Variants in BDNF observed in about 807,000 individuals in gnomAD.
The protein encoded by BDNF is neurotrophic factor BDNF precursor form.
In BDNF, 1 loss-of-function variant was observed where a neutral mutation model predicts 19.5. The ratio of observed to expected loss-of-function variants is 0.05; its 90% CI spans 0.02 to 0.24. The LOEUF (loss-of-function observed/expected upper bound fraction) is 0.24. Ranked by LOEUF, BDNF falls within the 10% of genes least tolerant of loss-of-function variation. BDNF has a pLI of 1.00. For missense variants in BDNF, 195 were observed against 317.6 expected, an observed-to-expected ratio of 0.61 and a Z score of 2.93; for synonymous variants, 100 against 121.6, an observed-to-expected ratio of 0.82 and a Z score of 1.17.
At chr11:27,719,344 G>T (rs1860657894) in intron 1 of BDNF, among the ~76,000 whole-genome samples, 1 of 152,210 alleles carries the variant, frequency 6.6e-6, no homozygotes, top group Non-Finnish European at 1.5e-5. Flanking sequence ...CCAGCTGATT[G>T]GTGGCTCTGT....
At position 27,658,366 on chromosome 11, in the gene BDNF, T is replaced by G. The variant is rs767638736; in HGVS notation, c.199A>C (p.Ile67Leu). 3 of 1,614,176 alleles carry G rather than the reference T, an allele frequency of 1.9e-6. No individual in the cohort carries two copies. In the South Asian group the frequency reaches 3.3e-5, roughly 18 times the overall value. Reference sequence around the variant, plus strand: ...TGGTCCTCATCCAACAGCTCTTCTATCACGTGTTCGAAAGTGTCAGCCAAT... The same window carrying G: ...TGGTCCTCATCCAACAGCTCTTCTAGCACGTGTTCGAAAGTGTCAGCCAAT... ...TSLADTFEHV[I>L]EELLDEDQKV... The change falls in exon 2 of 2, where the codon ATA (isoleucine) becomes CTA (leucine). Residue 67 changes from isoleucine (I) to leucine (L), a missense_variant. Transcript: ENST00000356660. This position sits in a 1 kb window ranked among gnomAD's most constrained non-coding sequence, Gnocchi z 5.7.
At chr11:27,701,095 C>T (rs1201320781), upstream of BDNF, 1 of 1,314,514 alleles carries the variant, frequency 7.6e-7, no homozygotes, top group Non-Finnish European at 1.0e-6. Context: ...AGTTCGCGCA[C>T]TGACCTCTCT....
intron 1 of BDNF, among the ~76,000 whole-genome samples, chr11:27,694,055 G>T (rs1858655429): frequency 6.6e-6 from 1 of 151,682 alleles, no homozygotes; most frequent in South Asian, 2.1e-4. Context: ...GACTTTCTTT[G>T]GTTATCATGC....
chr11:27,685,095 C>T (rs1857312584), intron 1 of BDNF, among the ~76,000 whole-genome samples: 1 of 152,072 alleles, frequency 6.6e-6, no homozygotes. Flanking sequence ...TTGGTCTATT[C>T]AGGAATTTGA....
At chr11:27,709,130 G>T (rs1860227687) in intron 1 of BDNF, among the ~76,000 whole-genome samples, 1 of 152,134 alleles carries the variant, frequency 6.6e-6, no homozygotes, top group South Asian at 2.1e-4. Flanking sequence ...CGCCTGGCTA[G>T]AATTCCTCTT....
At chr11:27,699,234 C>T in intron 1 of BDNF, 1 of 1,157,808 alleles carries the variant, frequency 8.6e-7, no homozygotes, top group Admixed American at 1.7e-5. Flanking sequence ...ACCCCCAACA[C>T]ACAAACACTG....
At chr11:27,713,193 T>A (rs547256101) in intron 1 of BDNF, among the ~76,000 whole-genome samples, 34 of 152,266 alleles carry the variant, frequency 2.2e-4, no homozygotes, top group Admixed American at 8.5e-4. Flanking sequence ...GCCACCACAC[T>A]GGGCATCAGA....
At chr11:27,680,977 T>TC (rs2133957202) in intron 1 of BDNF, among the ~76,000 whole-genome samples, 1 of 152,254 alleles carries the variant, frequency 6.6e-6, no homozygotes, top group East Asian at 1.9e-4. Flanking sequence ...GGCTCTACAG[T>TC]CCAGAAGATG....
intron 1 of BDNF, among the ~76,000 whole-genome samples, chr11:27,672,922 G>T (rs992312146): frequency 2.6e-5 from 4 of 152,078 alleles, no homozygotes; most frequent in Non-Finnish European, 5.9e-5. Flanking sequence ...GACTGCAAAG[G>T]TTGTTTGTTT....
chr11:27,706,298 G>A (rs1218037329), intron 1 of BDNF, among the ~76,000 whole-genome samples: 5 of 152,238 alleles, frequency 3.3e-5, no homozygotes, highest in African/African-American at 1.2e-4. Context: ...GGTCCAGAAG[G>A]GATCTTAAGA....
At chr11:27,706,560 A>T (rs1457156626) in intron 1 of BDNF, among the ~76,000 whole-genome samples, 3 of 152,220 alleles carry the variant, frequency 2.0e-5, no homozygotes, top group Non-Finnish European at 2.9e-5. Context: ...TTCTCGTAGC[A>T]AAAGATCAGA....
intron 1 of BDNF, among the ~76,000 whole-genome samples, chr11:27,671,078 G>C (rs953735977): frequency 6.6e-6 from 1 of 152,082 alleles, no homozygotes; most frequent in Non-Finnish European, 1.5e-5. Flanking sequence ...AACACCGCAT[G>C]TTCTCACTCA....
In BDNF at chr11:27,656,794, TTTG is replaced by T. The variant is rs1289427544; in HGVS notation, c.*1024_*1026del. 15 of 985,294 alleles carry T rather than the reference TTTG, an allele frequency of 1.5e-5. No individual in the cohort carries two copies. Among genetic ancestry groups the T allele is most frequent in the East Asian group, 2.3e-4 (2 of 8,824 alleles). 61.0% of individuals were successfully genotyped at this position (985,294 alleles called of 1,614,324 possible). On this transcript the variant is annotated 3_prime_UTR_variant, in exon 2 of 2. Coordinates refer to ENST00000356660, the MANE Select transcript of BDNF (RefSeq NM_001709.5). ...AATAATCTTCATTTTGGGGTTATTT[TTTG>T]TTGTTTTCTGTTCTAAAAAAAAATC...
At chr11:27,682,119 AC>A (rs1856904154) in intron 1 of BDNF, among the ~76,000 whole-genome samples, 1 of 152,142 alleles carries the variant, frequency 6.6e-6, no homozygotes, top group Non-Finnish European at 1.5e-5. Context: ...TAATGCAAGT[AC>A]TTGGATAGTG....
chr11:27,716,407 A>G (rs2134112040), intron 1 of BDNF, among the ~76,000 whole-genome samples: 1 of 120,462 alleles, frequency 8.3e-6, no homozygotes, highest in South Asian at 2.5e-4. Flanking sequence ...TTAAATTCCC[A>G]CTAGAAAACA....
At chr11:27,660,606 ATACTT>A (rs1697255206) in intron 1 of BDNF, among the ~76,000 whole-genome samples, 1 of 152,162 alleles carries the variant, frequency 6.6e-6, no homozygotes, top group African/African-American at 2.4e-5. Flanking sequence ...CAAATGTGGA[ATACTT>A]TAGCCATCTA....
chr11:27,693,536 T>A (rs893249247), intron 1 of BDNF, among the ~76,000 whole-genome samples: 3 of 152,204 alleles, frequency 2.0e-5, no homozygotes, highest in Admixed American at 1.3e-4. Flanking sequence ...TCAGACACAT[T>A]ATCAGCCAAC....
In BDNF at chr11:27,674,218, C is replaced by T. The variant is rs1564961192; in HGVS notation, c.-21-15633G>A. 3.1e-6 allele frequency: 5 copies of T among 1,599,918 alleles called. No individual in the cohort carries two copies. Among genetic ancestry groups the T allele is most frequent in the Non-Finnish European group, 3.4e-6 (4 of 1,172,490 alleles). On this transcript the variant is annotated intron_variant, in intron 1 of 1. Transcript: ENST00000356660. ...ACCTGCAACCCTTTCTGTAGAAACT[C>T]AGCATTCTGAGTAGTAACAAGGATT...
intron 1 of BDNF, among the ~76,000 whole-genome samples, chr11:27,713,925 CTAGACTT>C (rs537167241): frequency 2.0e-5 from 3 of 152,336 alleles, no homozygotes; most frequent in Admixed American, 2.0e-4. Context: ...TTTTTAGACA[CTAGACTT>C]TAAAGATTTT....
Sources: gnomAD v4.1 joint callset for allele counts (sites outside exome capture counted in the v4.1 genomes callset) on GRCh38, gnomAD v4.1.1 for gene constraint, Gnocchi (gnomAD v3.1) non-coding constraint, MANE v1.5 for transcripts, NCBI Gene and HGNC (gene_info 2026-07-23, HGNC 2026-07-21) for gene names.